NBEAL1: variants seen among roughly 807,000 people sequenced by gnomAD.
NBEAL1 encodes neurobeachin like 1.
A neutral mutation model predicts 351.3 loss-of-function variants in NBEAL1; 273 were observed. The ratio of observed to expected loss-of-function variants is 0.78; its 90% confidence interval spans 0.70 to 0.86. The LOEUF is 0.86. Ranked by LOEUF, NBEAL1 falls within the 40% of genes least tolerant of loss-of-function variation. The pLI is 0.00. For synonymous variants in NBEAL1, 1,050 were observed against 1,086.4 expected (o/e 0.97, Z 0.66); for missense variants, 2,961 against 3,201.3 (o/e 0.92, Z 1.81).
At chr2:203,213,368 A>T in intron 54 of NBEAL1, 150 bp from the exon 55 acceptor site, 1 of 637,602 alleles carries the variant, frequency 1.6e-6, no homozygotes, top group Non-Finnish European at 2.6e-6. Context: ...CCCTTGTGTG[A>T]GTCACTTAGA....
intron 36 of NBEAL1, among the ~76,000 whole-genome samples, chr2:203,160,903 C>G (rs137993117): frequency 2.6e-5 from 4 of 152,112 alleles, no homozygotes; most frequent in Non-Finnish European, 5.9e-5. Context: ...GTTTAACCCC[C>G]CCGATCCAGC....
chr2:203,203,706 A>G (rs1393846494), intron 51 of NBEAL1, among the ~76,000 whole-genome samples: 1 of 151,818 alleles, frequency 6.6e-6, no homozygotes, highest in East Asian at 1.9e-4. Context: ...ATCCTATCTC[A>G]AAAAAAATTG....
intron 2 of NBEAL1, among the ~76,000 whole-genome samples, chr2:203,038,635 T>C (rs1345823175): frequency 1.3e-5 from 2 of 148,918 alleles, no homozygotes; most frequent in South Asian, 2.1e-4. Context: ...TGTCTTTCCA[T>C]TTTCTTTTTT....
chr2:203,169,229 C>T (rs1466504201), intron 38 of NBEAL1, among the ~76,000 whole-genome samples: 2 of 151,734 alleles, frequency 1.3e-5, no homozygotes, highest in Non-Finnish European at 2.9e-5. Context: ...CCAGAACAGG[C>T]AAACCCATAG....
In NBEAL1 at chr2:203,211,040, G is replaced by C; in HGVS notation, c.7868G>C (p.Cys2623Ser). 1 of 1,607,060 alleles carries C rather than the reference G, an allele frequency of 6.2e-7. No homozygotes were observed. The highest frequency in any genetic ancestry group is 1.3e-5 in the African/African-American group (1 of 74,846). Reference protein sequence around the residue: ...QILKEQVSDICIIGEHIVTGS... With the variant: ...QILKEQVSDISIIGEHIVTGS... ...CTGAAGGAACAAGTATCAGATATAT[G>C]TATAATCGGAGAACACATTGTCACA... is the stretch of plus-strand genomic sequence containing the variant. Residue 2623 changes from cysteine to serine, a missense_variant, in exon 54 of 56, where the codon TGT becomes TCT. Coordinates refer to ENST00000683969, the MANE Select transcript of NBEAL1 (RefSeq NM_001378026.1).
In NBEAL1 at chr2:203,144,763, C is replaced by A; in HGVS notation, c.5012C>A (p.Thr1671Asn). 6.2e-7 allele frequency: 1 copy of A among 1,614,088 alleles called. No individual in the cohort carries two copies. The highest frequency in any genetic ancestry group is 1.1e-5 in the South Asian group (1 of 91,076). The change falls in exon 32 of 56, where the codon ACC becomes AAC. Residue 1671 changes from threonine to asparagine, a missense_variant. By Grantham distance (65) the Thr-to-Asn change is moderately conservative. Transcript: ENST00000683969. ...TCATTTCTGATTCCCCTTGTTCGTA[C>A]CCTGGTTTCCAAAATTTATGAGCTT... ...IYSFLIPLVR[T>N]LVSKIYELLF...
At chr2:203,026,320 C>CAA (rs1283522820) in intron 2 of NBEAL1, among the ~76,000 whole-genome samples, 4 of 151,800 alleles carry the variant, frequency 2.6e-5, no homozygotes. Context: ...TCTCATATTA[C>CAA]CTGTTTGCAC....
chr2:203,101,468 C>T (rs116218111), intron 12 of NBEAL1, among the ~76,000 whole-genome samples: 2,396 of 152,108 alleles, frequency 0.016, 34 homozygotes, highest in Non-Finnish European at 0.023. Context: ...TCTAGGATTG[C>T]CTTGGCTATT....
At chr2:203,138,508 T>C (rs2063279732) in intron 30 of NBEAL1, 112 bp from the exon 31 acceptor site, 1 of 1,193,882 alleles carries the variant, frequency 8.4e-7, no homozygotes, top group East Asian at 2.5e-5. Context: ...CAACTGAACA[T>C]TGGACTAGCT....
intron 28 of NBEAL1, 78 bp downstream of exon 28, chr2:203,136,330 G>A: frequency 9.4e-7 from 1 of 1,062,568 alleles, no homozygotes; most frequent in Non-Finnish European, 1.3e-6. Context: ...AAATATGTGA[G>A]CAGTTGTTAA....
chr2:203,046,706 A>G (rs947304604), intron 3 of NBEAL1, among the ~76,000 whole-genome samples: 2 of 152,190 alleles, frequency 1.3e-5, no homozygotes, highest in Admixed American at 6.5e-5. Flanking sequence ...CACTCTGTTT[A>G]TAAAGACAGT....
chr2:203,172,079 C>T (rs907872740), intron 40 of NBEAL1, 56 bp downstream of exon 40: 58 of 997,314 alleles, frequency 5.8e-5, no homozygotes, highest in Non-Finnish European at 8.4e-5. Flanking sequence ...TTATAAATCA[C>T]ATAAGTATAT....
chr2:203,054,375 G>A (rs963691507), intron 4 of NBEAL1, among the ~76,000 whole-genome samples: 3 of 151,156 alleles, frequency 2.0e-5, no homozygotes, highest in East Asian at 1.9e-4. Flanking sequence ...GCAGTGAGCC[G>A]AGATCACGCC....
At chr2:203,080,693 C>T (rs2061856724) in intron 8 of NBEAL1, among the ~76,000 whole-genome samples, 1 of 152,106 alleles carries the variant, frequency 6.6e-6, no homozygotes, top group African/African-American at 2.4e-5. Flanking sequence ...TGACCTTCTC[C>T]TCTTCACCCT....
At chr2:203,068,713 T>C (rs1408406178) in intron 7 of NBEAL1, among the ~76,000 whole-genome samples, 2 of 152,244 alleles carry the variant, frequency 1.3e-5, no homozygotes, top group African/African-American at 2.4e-5. Flanking sequence ...TTAATGATGG[T>C]GGTATAGTTT....
chr2:203,181,237 C>T (rs2064709624), intron 43 of NBEAL1: 1 of 151,888 alleles, frequency 6.6e-6, no homozygotes, highest in Non-Finnish European at 1.5e-5. Flanking sequence ...CGGCCAGCTT[C>T]ATTTTTGTGT....
chr2:203,034,407 T>G (rs1308112762), intron 2 of NBEAL1, among the ~76,000 whole-genome samples: 1 of 139,766 alleles, frequency 7.2e-6, no homozygotes, highest in African/African-American at 2.5e-5. Context: ...TCCGCCCACC[T>G]TGGCCTCCCA....
chr2:203,084,115 T>C (rs2061922681), intron 9 of NBEAL1, among the ~76,000 whole-genome samples: 1 of 152,032 alleles, frequency 6.6e-6, no homozygotes, highest in Non-Finnish European at 1.5e-5. Context: ...CAATATATTA[T>C]GATTTCTTAT....
At chr2:203,088,102 A>G (rs965832282) in intron 10 of NBEAL1, among the ~76,000 whole-genome samples, 1 of 152,204 alleles carries the variant, frequency 6.6e-6, no homozygotes, top group Non-Finnish European at 1.5e-5. Flanking sequence ...TCGAAAACTC[A>G]GGCTTATTTT....
Sources: gnomAD v4.1 joint callset for allele counts (sites outside exome capture counted in the v4.1 genomes callset) on GRCh38, gnomAD v4.1.1 for gene constraint, MANE v1.5 for transcripts, NCBI Gene and HGNC (gene_info 2026-07-23, HGNC 2026-07-21) for gene names.